SCGB2B2: variants seen among roughly 807,000 people sequenced by gnomAD.
The protein encoded by SCGB2B2 is secretoglobin-like protein.
Under a neutral mutation model 7.6 loss-of-function variants are expected in SCGB2B2, and 11 were observed. The observed-to-expected ratio is 1.45, with a 90% CI of 0.91 to 2.40. SCGB2B2 has a LOEUF of 2.40. Ranked by LOEUF, SCGB2B2 falls within the 30% of genes most tolerant of loss-of-function variation. The pLI is 0.00. For missense variants in SCGB2B2, 104 were observed against 115.4 expected (o/e 0.90, Z 0.45); for synonymous variants, 50 against 48.6 (o/e 1.03, Z -0.12).
intron 1 of SCGB2B2, among the ~76,000 whole-genome samples, chr19:34,625,208 C>T (rs2066337722): frequency 6.6e-6 from 1 of 152,172 alleles, no homozygotes; most frequent in African/African-American, 2.4e-5. Context: ...CAGAAGACGG[C>T]TGATTTCTGC....
chr19:34,645,864 T>A (rs2066996114), intron 1 of SCGB2B2: 1 of 236,156 alleles, frequency 4.2e-6, no homozygotes, highest in South Asian at 5.0e-5. Context: ...GCTGCTTTCT[T>A]ATCTTGCCTC....
chr19:34,646,993 C>A (rs1042413118), intron 1 of SCGB2B2, among the ~76,000 whole-genome samples: 1 of 151,890 alleles, frequency 6.6e-6, no homozygotes, highest in Non-Finnish European at 1.5e-5. Flanking sequence ...CTCCTTCTCT[C>A]TACCCCCAGC....
Position 34,673,409 on chromosome 19 carries a change from C to G in SCGB2B2, c.-2032+2221G>C, listed in dbSNP as rs538546521. ...CAGGGTGTCACTGGAAAAGGGGTCT[C>G]GATCCAGACCCCAAGAGGGTTCTTG... On this transcript the variant is annotated intron_variant, in intron 1 of 3. Coordinates refer to ENST00000601241, the MANE Select transcript of SCGB2B2 (RefSeq NM_001025591.4). 4.6e-5 allele frequency among the ~76,000 whole-genome samples: 7 copies of G among 152,238 alleles called. No homozygotes were observed. In the South Asian group the frequency reaches 1.4e-3, roughly 32 times the overall value.
At chr19:34,633,491 T>C (rs2066591391) in intron 1 of SCGB2B2, among the ~76,000 whole-genome samples, 1 of 152,136 alleles carries the variant, frequency 6.6e-6, no homozygotes, top group South Asian at 2.1e-4. Context: ...CTCAAAATAA[T>C]TATGCTGAGT....
At chr19:34,631,738 C>T (rs10424460) in intron 1 of SCGB2B2, among the ~76,000 whole-genome samples, 14,428 of 151,996 alleles carry the variant, frequency 0.095, 800 homozygotes, top group South Asian at 0.19. Flanking sequence ...ATCCACAATA[C>T]TTTTATTAGA....
rs187272827 is a variant in SCGB2B2, at chr19:34,594,530, G to A, written c.34C>T (p.Leu12=). 6.2e-7 allele frequency: 1 copy of A among 1,613,504 alleles called. No homozygotes were observed. The highest frequency in any genetic ancestry group is 2.2e-5 in the East Asian group (1 of 44,884). The change falls in exon 2 of 4, where the codon CTG becomes TTG. Residue 12 remains leucine (L), a synonymous_variant. Coordinates refer to ENST00000601241, the MANE Select transcript of SCGB2B2 (RefSeq NM_001025591.4). ...AGCTGGACGCTGCAGATCAGAGCCA[G>A]CAGAAGAGCACAGGTGGCGGATGTC... ...RVTSATCALL[L]ALICSVQLGD... is the part of the protein sequence containing the mutation.
Position 34,593,526 on chromosome 19 carries a change from C to A in SCGB2B2, c.*29G>T, listed in dbSNP as rs1444649116. On this transcript the variant is annotated 3_prime_UTR_variant, in exon 4 of 4. Transcript: ENST00000601241. Reference sequence around the variant, plus strand: ...GGGAGCCCCAAGGAAGGCAGGAGGGCCAATATCTGATCTGCAGGGGTCCTC... The same window carrying A: ...GGGAGCCCCAAGGAAGGCAGGAGGGACAATATCTGATCTGCAGGGGTCCTC... 6 of 1,536,396 alleles carry A rather than the reference C, an allele frequency of 3.9e-6. No individual in the cohort carries two copies. In the East Asian group the frequency reaches 1.5e-4, roughly 38 times the overall value.
In SCGB2B2 at chr19:34,595,163, A is replaced by T. The variant is rs751044319; in HGVS notation, c.-600T>A. 2 of 152,980 alleles carry T rather than the reference A, an allele frequency of 1.3e-5. No individual in the cohort carries two copies. Among genetic ancestry groups the T allele is most frequent in the Non-Finnish European group, 2.9e-5 (2 of 68,644 alleles). The allele number at this position is 152,980 out of a possible 1,614,324, so 9.5% of individuals were successfully genotyped here. A position where few individuals can be genotyped will look rare whatever the true frequency, so the allele number is the denominator to read the frequency against. On this transcript the variant is annotated 5_prime_UTR_variant, in exon 2 of 4. The change abolishes the stop of an existing upstream ORF in the 5' untranslated region. Coordinates refer to ENST00000601241, the MANE Select transcript of SCGB2B2 (RefSeq NM_001025591.4). The stretch of plus-strand genomic sequence containing the variant: ...ACATGTGACACAGTGAAGGGATCCT[A>T]CATGTTGGGGACCAGCCTCAACACT...
At chr19:34,660,798 C>G (rs1160825810) in intron 1 of SCGB2B2, among the ~76,000 whole-genome samples, 1 of 152,194 alleles carries the variant, frequency 6.6e-6, no homozygotes, top group Admixed American at 6.5e-5. Flanking sequence ...AATTATAAAT[C>G]ACTCTACTAT....
At chr19:34,635,111 T>A (rs765895132) in intron 1 of SCGB2B2, 3 of 278,754 alleles carry the variant, frequency 1.1e-5, no homozygotes, top group Non-Finnish European at 2.3e-5. Context: ...TTTGCCCCAG[T>A]GTGAATTCTC....
At chr19:34,614,747 A>C (rs976240612) in intron 1 of SCGB2B2, among the ~76,000 whole-genome samples, 1 of 152,204 alleles carries the variant, frequency 6.6e-6, no homozygotes, top group Non-Finnish European at 1.5e-5. Context: ...CAAACTTTTT[A>C]GAGTTGCTTT....
At chr19:34,666,572 A>G (rs1242500296) in intron 1 of SCGB2B2, among the ~76,000 whole-genome samples, 1 of 150,998 alleles carries the variant, frequency 6.6e-6, no homozygotes, top group African/African-American at 2.4e-5. Context: ...GCCACCAGAA[A>G]CTCCACCTCT....
intron 1 of SCGB2B2, among the ~76,000 whole-genome samples, chr19:34,635,927 T>A (rs1210618683): frequency 6.6e-6 from 1 of 152,216 alleles, no homozygotes; most frequent in Non-Finnish European, 1.5e-5. Context: ...GACCCAGAAT[T>A]GTCTCCCACA....
At chr19:34,673,363 C>T (rs952259315) in intron 1 of SCGB2B2, among the ~76,000 whole-genome samples, 3 of 152,188 alleles carry the variant, frequency 2.0e-5, no homozygotes, top group Non-Finnish European at 4.4e-5. Context: ...TGCCTCTAAC[C>T]TTTCTGCTAA....
intron 1 of SCGB2B2, among the ~76,000 whole-genome samples, chr19:34,647,782 T>C (rs2067060868): frequency 1.3e-5 from 2 of 152,174 alleles, no homozygotes; most frequent in East Asian, 1.9e-4. Flanking sequence ...ATTGTAATAG[T>C]GATGAGAACC....
intron 1 of SCGB2B2, among the ~76,000 whole-genome samples, chr19:34,666,000 T>C (rs751340612): frequency 4.7e-4 from 72 of 152,050 alleles, no homozygotes; most frequent in Admixed American, 1.3e-4. Context: ...TCCCTGACCC[T>C]GATGCTCAGC....
At chr19:34,620,176 A>T (rs192918797) in intron 1 of SCGB2B2, among the ~76,000 whole-genome samples, 80 of 152,184 alleles carry the variant, frequency 5.3e-4, no homozygotes, top group African/African-American at 1.9e-3. Flanking sequence ...GAAATGACCC[A>T]GGTATATACC....
chr19:34,623,506 A>G (rs1249554400), intron 1 of SCGB2B2, among the ~76,000 whole-genome samples: 1 of 152,128 alleles, frequency 6.6e-6, no homozygotes, highest in African/African-American at 2.4e-5. Flanking sequence ...TGTGCTGCCC[A>G]TGGATGCAAG....
chr19:34,672,729 A>G (rs2067832837), intron 1 of SCGB2B2, among the ~76,000 whole-genome samples: 1 of 152,192 alleles, frequency 6.6e-6, no homozygotes, highest in Middle Eastern at 3.2e-3. Flanking sequence ...CTAATCATCA[A>G]TATGGGACTC....
Sources: gnomAD v4.1 joint callset for allele counts (sites outside exome capture counted in the v4.1 genomes callset) on GRCh38, gnomAD v4.1.1 for gene constraint, MANE v1.5 for transcripts, NCBI Gene and HGNC (gene_info 2026-07-23, HGNC 2026-07-21) for gene names.